Variants in SLC7A6 observed in about 807,000 individuals in gnomAD.
SLC7A6 encodes Y+L amino acid transporter 2.
A neutral mutation model predicts 46.6 loss-of-function variants in SLC7A6; 29 were observed. That is an observed-to-expected ratio of 0.62 (90% confidence interval 0.46 to 0.85). The LOEUF (loss-of-function observed/expected upper bound fraction) is 0.85, where lower values mean the gene tolerates loss of function less well. Ranked by LOEUF, SLC7A6 falls within the 40% of genes least tolerant of loss-of-function variation. The pLI is 0.00. For missense variants in SLC7A6, 527 were observed against 647.6 expected (o/e 0.81, Z 2.02); for synonymous variants, 276 against 257.3 (o/e 1.07, Z -0.70).
intron 4 of SLC7A6, among the ~76,000 whole-genome samples, chr16:68,289,797 C>T (rs2043010609): frequency 6.6e-6 from 1 of 152,128 alleles, no homozygotes; most frequent in African/African-American, 2.4e-5. Flanking sequence ...GGTCTCAGTT[C>T]CTCTATAGCA....
At chr16:68,296,935 C>A (rs568145671) in intron 10 of SLC7A6, 125 bp downstream of exon 10, 18 of 991,412 alleles carry the variant, frequency 1.8e-5, no homozygotes, top group Non-Finnish European at 2.7e-5. Flanking sequence ...CAGCTGTCCA[C>A]GACTTCCCTT....
chr16:68,291,153 CTT>C, intron 5 of SLC7A6, 54 bp from the exon 6 acceptor site: 1 of 1,611,808 alleles, frequency 6.2e-7, no homozygotes, highest in Non-Finnish European at 8.5e-7. Context: ...ACTTGATAAA[CTT>C]TGTTCCCAAG....
At chr16:68,277,988 G>C (rs1229345875) in intron 3 of SLC7A6, among the ~76,000 whole-genome samples, 1 of 151,142 alleles carries the variant, frequency 6.6e-6, no homozygotes, top group African/African-American at 2.4e-5. Flanking sequence ...CGCCTAGGCT[G>C]GAGTACAGTG....
rs1127773 is a variant in SLC7A6, at chr16:68,298,844, G to A, written c.*1516G>A. 0.5 allele frequency: 76,667 copies of A among 152,432 alleles called. 20,187 individuals carry two copies. The highest frequency in any genetic ancestry group is 0.81 in the East Asian group (4,174 of 5,172). The allele number at this position is 152,432 out of a possible 1,614,324, so 9.4% of individuals were successfully genotyped here. ...TGATGCCCCCAGACACTGTCATCCTGGGCCGAGAAGAACCTGCTAGCTTGA... is the reference window on the plus strand; with the variant it reads ...TGATGCCCCCAGACACTGTCATCCTAGGCCGAGAAGAACCTGCTAGCTTGA... On this transcript the variant is annotated 3_prime_UTR_variant, in exon 11 of 11. Transcript: ENST00000219343.
chr16:68,291,082 A>G (rs2043039852), intron 5 of SLC7A6, 127 bp from the exon 6 acceptor site: 1 of 1,200,874 alleles, frequency 8.3e-7, no homozygotes, highest in East Asian at 2.3e-5. Context: ...GGGGAAGGTG[A>G]GCCTCCCTCA....
At position 68,291,341 on chromosome 16, in the gene SLC7A6, CTTGG is replaced by C; in HGVS notation, c.918+10_918+13del. On this transcript the variant is annotated intron_variant, in intron 6 of 10. Transcript: ENST00000219343. ...GTGATGCTGTGGCTGTGGTGAGTCT[CTTGG>C]GATCCCCATTTGTTCATCATCTCCT... is the stretch of plus-strand genomic sequence containing the variant. 1 of 1,613,706 alleles carries C rather than the reference CTTGG, an allele frequency of 6.2e-7. No homozygotes were observed. The highest frequency in any genetic ancestry group is 8.5e-7 in the Non-Finnish European group (1 of 1,179,742).
At chr16:68,292,462 G>A (rs1417301924) in intron 7 of SLC7A6, 1 of 152,146 alleles carries the variant, frequency 6.6e-6, no homozygotes, top group East Asian at 1.9e-4. Context: ...CTCCACTTAG[G>A]AGAGACACAA....
At chr16:68,283,893 A>AG (rs1356881783) in intron 3 of SLC7A6, among the ~76,000 whole-genome samples, 1 of 152,190 alleles carries the variant, frequency 6.6e-6, no homozygotes, top group Non-Finnish European at 1.5e-5. Context: ...ATGGTAAGCT[A>AG]GGGGGGCTGG....
Position 68,301,190 on chromosome 16 carries a change from C to G in SLC7A6, c.*3862C>G. On this transcript the variant is annotated 3_prime_UTR_variant, in exon 11 of 11. Coordinates refer to ENST00000219343, the MANE Select transcript of SLC7A6 (RefSeq NM_003983.6). ...CCTTCCACATGTTAAGCTAGGAAAC[C>G]TAACAGGATGTCAGCAGGGCAGTTA... The G allele has an allele frequency of 6.5e-7, 1 of 1,526,806 alleles. No individual in the cohort carries two copies. Among genetic ancestry groups the G allele is most frequent in the Non-Finnish European group, 8.8e-7 (1 of 1,130,662 alleles). The allele number at this position is 1,526,806 out of a possible 1,614,324, so 94.6% of individuals were successfully genotyped here. A position where few individuals can be genotyped will look rare whatever the true frequency, so the allele number is the denominator to read the frequency against.
chr16:68,301,138 G>C lies in SLC7A6; in HGVS notation c.*3810G>C. 1 of 1,446,434 alleles carries C rather than the reference G, an allele frequency of 6.9e-7. No individual in the cohort carries two copies. The highest frequency in any genetic ancestry group is 1.5e-5 in the South Asian group (1 of 64,898). 89.6% of individuals were successfully genotyped at this position (1,446,434 alleles called of 1,614,324 possible). A position where few individuals can be genotyped will look rare whatever the true frequency, so the allele number is the denominator to read the frequency against. On this transcript the variant is annotated 3_prime_UTR_variant, in exon 11 of 11. Transcript: ENST00000219343. Reference sequence around the variant, plus strand: ...TAAGTTTTCACTGTGGTGGGATGGTGCCGCCCGATATGCTTGATATGCTTT... The same window carrying C: ...TAAGTTTTCACTGTGGTGGGATGGTCCCGCCCGATATGCTTGATATGCTTT...
chr16:68,267,857 T>G lies in SLC7A6; in HGVS notation c.-37+1136T>G, dbSNP rs76579198. ...GAGAAAGGAGGAGGGTGAGGTTAAG[T>G]TGATCACTAATGGCCAGTGGCTTAA... On this transcript the variant is annotated intron_variant, in intron 2 of 10. Coordinates refer to ENST00000219343, the MANE Select transcript of SLC7A6 (RefSeq NM_003983.6). Among the ~76,000 whole-genome samples, 648 of 152,268 alleles carry G rather than the reference T, an allele frequency of 4.3e-3. 2 individuals carry two copies. The highest frequency in any genetic ancestry group is 0.014 in the African/African-American group (600 of 41,564).
chr16:68,281,366 GA>G (rs1385671616), intron 3 of SLC7A6, among the ~76,000 whole-genome samples: 1 of 152,190 alleles, frequency 6.6e-6, no homozygotes, highest in Non-Finnish European at 1.5e-5. Flanking sequence ...ACAACTCCTG[GA>G]AGGGGGTGCT....
At chr16:68,269,115 T>G (rs868485995) in intron 2 of SLC7A6, among the ~76,000 whole-genome samples, 5 of 152,364 alleles carry the variant, frequency 3.3e-5, no homozygotes, top group Admixed American at 6.5e-5. Flanking sequence ...ATTTTGACCC[T>G]TTTGGTTTTC....
At chr16:68,285,415 T>C (rs2042911042) in intron 3 of SLC7A6, among the ~76,000 whole-genome samples, 1 of 152,142 alleles carries the variant, frequency 6.6e-6, no homozygotes, top group Non-Finnish European at 1.5e-5. Flanking sequence ...TGTTAGCTGA[T>C]TGAGGCTTAA....
At position 68,301,272 on chromosome 16, in the gene SLC7A6, C is replaced by T. The variant is rs1567601078; in HGVS notation, c.*3944C>T. The T allele has an allele frequency of 3.7e-6, 6 of 1,613,908 alleles. No homozygotes were observed. The highest frequency in any genetic ancestry group is 4.2e-6 in the Non-Finnish European group (5 of 1,179,838). On this transcript the variant is annotated 3_prime_UTR_variant, in exon 11 of 11. Coordinates refer to ENST00000219343, the MANE Select transcript of SLC7A6 (RefSeq NM_003983.6). ...GCAGAACCTCATGGACATCACAAGA[C>T]CATCAGTCTGAATCCAGGTCGTGGG...
intron 8 of SLC7A6, among the ~76,000 whole-genome samples, chr16:68,295,075 A>C (rs555630935): frequency 2.3e-4 from 35 of 152,194 alleles, no homozygotes; most frequent in Non-Finnish European, 4.6e-4. Flanking sequence ...TCGCTCACTC[A>C]ACAATCCATT....
intron 2 of SLC7A6, among the ~76,000 whole-genome samples, chr16:68,268,182 G>C (rs116430739): frequency 1.3e-5 from 2 of 152,312 alleles, no homozygotes; most frequent in African/African-American, 4.8e-5. Flanking sequence ...GAAACAGTTC[G>C]GTCAGAAGTT....
At position 68,297,987 on chromosome 16, in the gene SLC7A6, G is replaced by A. The variant is rs2863979; in HGVS notation, c.*659G>A. On this transcript the variant is annotated 3_prime_UTR_variant, in exon 11 of 11. Coordinates refer to ENST00000219343, the MANE Select transcript of SLC7A6 (RefSeq NM_003983.6). ...GTATTGGGTCAGACTCTGACCACAG[G>A]TTTTATGCTGTTTAGCACAATTTCT... 120,466 of 152,620 alleles carry A rather than the reference G, an allele frequency of 0.79. 48,315 individuals are homozygous for A. Among genetic ancestry groups the A allele is most frequent in the African/African-American group, 0.94 (39,223 of 41,556 alleles). 9.5% of individuals were successfully genotyped at this position (152,620 alleles called of 1,614,324 possible). A position where few individuals can be genotyped will look rare whatever the true frequency, so the allele number is the denominator to read the frequency against.
intron 4 of SLC7A6, among the ~76,000 whole-genome samples, chr16:68,288,529 T>C (rs959553383): frequency 2.0e-5 from 3 of 152,116 alleles, no homozygotes; most frequent in Non-Finnish European, 4.4e-5. Flanking sequence ...GCCACAGATA[T>C]CTCAATCATT....
Sources: gnomAD v4.1 joint callset for allele counts (sites outside exome capture counted in the v4.1 genomes callset) on GRCh38, gnomAD v4.1.1 for gene constraint, MANE v1.5 for transcripts, NCBI Gene and HGNC (gene_info 2026-07-23, HGNC 2026-07-21) for gene names.